NR5A2: variants seen among roughly 807,000 people sequenced by gnomAD.
NR5A2 encodes CYP7A promoter-binding factor.
Under a neutral mutation model 62.7 loss-of-function variants are expected in NR5A2, and 26 were observed. That is an observed-to-expected ratio of 0.41 (90% CI 0.30 to 0.58). NR5A2 has a LOEUF of 0.58. Among genes scored for constraint, NR5A2 ranks in the 20% least tolerant of loss-of-function variants. The pLI is 0.22. For missense variants in NR5A2, 541 were observed against 669.1 expected (o/e 0.81, Z 2.11); for synonymous variants, 246 against 241.7 (o/e 1.02, Z -0.16).
At chr1:200,042,643 G>T (rs1036562809) in intron 2 of NR5A2, among the ~76,000 whole-genome samples, 1 of 152,230 alleles carries the variant, frequency 6.6e-6, no homozygotes, top group Admixed American at 6.5e-5. Context: ...AGCCTGGTGC[G>T]CCCACGGGTT....
chr1:200,158,296 G>A (rs1302674840), intron 7 of NR5A2, among the ~76,000 whole-genome samples: 2 of 152,200 alleles, frequency 1.3e-5, no homozygotes, highest in East Asian at 3.8e-4. Context: ...TTGTGTGTCT[G>A]TCTCAGAAAG....
rs1654311256 is a variant in NR5A2, at chr1:200,174,101, T to C, written c.1517T>C (p.Ile506Thr). 1 of 1,613,872 alleles carries C rather than the reference T, an allele frequency of 6.2e-7. No individual in the cohort carries two copies. The highest frequency in any genetic ancestry group is 8.5e-7 in the Non-Finnish European group (1 of 1,179,984). Reference sequence around the variant, plus strand: ...CAGCTACTTCTTCGACTACCCGAAATCCGGGCCATCAGTATGCAGGCTGAA... The same window carrying C: ...CAGCTACTTCTTCGACTACCCGAAACCCGGGCCATCAGTATGCAGGCTGAA... Reference protein sequence around the residue: ...FGQLLLRLPEIRAISMQAEEY... With the variant: ...FGQLLLRLPETRAISMQAEEY... Residue 506 changes from isoleucine to threonine, a missense_variant, in exon 8 of 8, where the codon ATC (isoleucine) becomes ACC (threonine). Coordinates refer to ENST00000367362, the MANE Select transcript of NR5A2 (RefSeq NM_205860.3).
At chr1:200,047,778 A>C (rs140392536) in intron 4 of NR5A2, among the ~76,000 whole-genome samples, 154 of 152,146 alleles carry the variant, frequency 1.0e-3, no homozygotes, top group African/African-American at 3.6e-3. Context: ...GGGTTTCATC[A>C]TGTTGGCCAG....
chr1:200,028,422 C>A (rs1211380326), intron 1 of NR5A2, among the ~76,000 whole-genome samples: 1 of 112,818 alleles, frequency 8.9e-6, no homozygotes, highest in Non-Finnish European at 1.7e-5. Flanking sequence ...ATGCCCCCAC[C>A]TCCAAAAAAA....
At chr1:200,066,442 G>C (rs958291094) in intron 5 of NR5A2, among the ~76,000 whole-genome samples, 1 of 151,984 alleles carries the variant, frequency 6.6e-6, no homozygotes, top group Non-Finnish European at 1.5e-5. Flanking sequence ...TCACCTTTGG[G>C]AACTATTCAT....
At chr1:200,054,346 G>C (rs1456598488) in intron 5 of NR5A2, among the ~76,000 whole-genome samples, 1 of 149,162 alleles carries the variant, frequency 6.7e-6, no homozygotes, top group African/African-American at 2.6e-5. Flanking sequence ...AAGAAGATTG[G>C]CTTTTTTTTT....
chr1:200,173,752 T>C (rs1373211399), intron 7 of NR5A2, among the ~76,000 whole-genome samples: 1 of 152,192 alleles, frequency 6.6e-6, no homozygotes, highest in Non-Finnish European at 1.5e-5. Context: ...TTGAGGTATA[T>C]GCAGAATTTC....
intron 7 of NR5A2, among the ~76,000 whole-genome samples, chr1:200,135,903 C>G (rs1490262608): frequency 1.3e-5 from 2 of 152,170 alleles, no homozygotes; most frequent in Non-Finnish European, 2.9e-5. Flanking sequence ...TTTACAGATT[C>G]TGTGAAAAAG....
chr1:200,032,875 GT>G lies in NR5A2; in HGVS notation c.64+4966del, dbSNP rs1400261865. ...TCTTTCTCCAAAGTGGTAACCACTTGTTCTTGTTGATATAAAGGAATTATGA... is the reference window on the plus strand; with the variant it reads ...TCTTTCTCCAAAGTGGTAACCACTTGTCTTGTTGATATAAAGGAATTATGA... On this transcript the variant is annotated intron_variant, in intron 1 of 7. Coordinates refer to ENST00000367362, the MANE Select transcript of NR5A2 (RefSeq NM_205860.3). Among the ~76,000 whole-genome samples the G allele has an allele frequency of 1.2e-4, 18 of 152,320 alleles. 1 individual carries two copies. The South Asian group carries it at 3.7e-3, about 32-fold the overall frequency.
At chr1:200,029,051 G>T (rs1027418268) in intron 1 of NR5A2, 1 of 446,172 alleles carries the variant, frequency 2.2e-6, no homozygotes, top group Non-Finnish European at 4.5e-6. Flanking sequence ...GAAAATACAG[G>T]CACAAGAAAG....
intron 5 of NR5A2, among the ~76,000 whole-genome samples, chr1:200,081,880 G>A (rs1455759271): frequency 6.8e-6 from 1 of 148,000 alleles, no homozygotes; most frequent in African/African-American, 2.5e-5. Context: ...GTATTTTTAC[G>A]TGTAATTACC....
intron 5 of NR5A2, among the ~76,000 whole-genome samples, chr1:200,053,771 A>C (rs1662778660): frequency 6.6e-6 from 1 of 152,186 alleles, no homozygotes; most frequent in African/African-American, 2.4e-5. Context: ...GTGGGAGTGA[A>C]TGAGTCACTT....
At chr1:200,117,258 T>C (rs1187027872) in intron 6 of NR5A2, among the ~76,000 whole-genome samples, 3 of 152,216 alleles carry the variant, frequency 2.0e-5, no homozygotes, top group African/African-American at 7.2e-5. Context: ...AAAATATAAT[T>C]ATGTTTGTAA....
At chr1:200,066,583 A>ATTTTTTTT in intron 5 of NR5A2, among the ~76,000 whole-genome samples, 1 of 99,650 alleles carries the variant, frequency 1.0e-5, no homozygotes, top group African/African-American at 6.0e-5. Context: ...TATTTAATTA[A>ATTTTTTTT]TTATCTTTTT....
At chr1:200,044,020 G>A in intron 3 of NR5A2, 128 bp downstream of exon 3, 2 of 580,132 alleles carry the variant, frequency 3.4e-6, no homozygotes, top group Admixed American at 3.2e-5. Context: ...GAGAAAGAGA[G>A]AGTCTTAGGG....
intron 7 of NR5A2, among the ~76,000 whole-genome samples, chr1:200,124,203 A>C (rs548307444): frequency 1.8e-3 from 278 of 152,292 alleles, no homozygotes; most frequent in Non-Finnish European, 2.6e-3. Context: ...GAGAGGGAAA[A>C]GTCTAGGGTG....
chr1:200,053,569 G>GCACGCA (rs1553266381), intron 5 of NR5A2, among the ~76,000 whole-genome samples: 7 of 142,104 alleles, frequency 4.9e-5, no homozygotes, highest in South Asian at 2.3e-4. Flanking sequence ...GCATGCACAC[G>GCACGCA]CACACACACA....
intron 7 of NR5A2, among the ~76,000 whole-genome samples, chr1:200,128,742 G>C (rs1484917587): frequency 7.9e-5 from 12 of 152,128 alleles, no homozygotes; most frequent in Non-Finnish European, 1.8e-4. Flanking sequence ...TAGTAAGTTT[G>C]TACATTCTGT....
intron 5 of NR5A2, among the ~76,000 whole-genome samples, chr1:200,055,340 G>A (rs752392204): frequency 3.9e-5 from 6 of 152,030 alleles, no homozygotes; most frequent in Admixed American, 2.6e-4. Flanking sequence ...GGATTATAGC[G>A]CCTGCCACCA....
Sources: allele counts gnomAD v4.1 joint callset (sites outside exome capture counted in the v4.1 genomes callset), GRCh38; gene constraint gnomAD v4.1.1; transcripts MANE v1.5; gene names NCBI Gene and HGNC (gene_info 2026-07-23, HGNC 2026-07-21).